Variants in CDH13 observed in about 807,000 individuals in gnomAD.
CDH13 encodes cadherin 13, also known as cadherin-13.
CDH13 carries 24 observed loss-of-function variants against 63.8 expected under a neutral mutation model. The ratio of observed to expected loss-of-function variants is 0.38; its 90% confidence interval spans 0.27 to 0.53. The LOEUF is 0.53. Ranked by LOEUF, CDH13 falls within the 20% of genes least tolerant of loss-of-function variation. The pLI, the probability that CDH13 is intolerant of heterozygous loss-of-function variation, is 0.85. For synonymous variants in CDH13, 503 were observed against 355.3 expected, an observed-to-expected ratio of 1.42 and a Z score of -4.67; for missense variants, 1,049 against 903.1, an observed-to-expected ratio of 1.16 and a Z score of -2.07.
intron 4 of CDH13, among the ~76,000 whole-genome samples, chr16:83,181,355 C>T (rs1044951526): frequency 1.3e-5 from 2 of 152,178 alleles, no homozygotes; most frequent in East Asian, 1.9e-4. Flanking sequence ...CAGAGGGGTC[C>T]ACTGGACCTC....
intron 1 of CDH13, among the ~76,000 whole-genome samples, chr16:82,709,500 C>T (rs577483450): frequency 6.6e-6 from 1 of 152,262 alleles, no homozygotes; most frequent in African/African-American, 2.4e-5. Flanking sequence ...AGGGATGTAA[C>T]TCTAGGCTGG....
chr16:82,716,439 A>C (rs576890709), intron 1 of CDH13, among the ~76,000 whole-genome samples: 23 of 151,954 alleles, frequency 1.5e-4, no homozygotes, highest in Non-Finnish European at 2.5e-4. Context: ...ACATCTGCTA[A>C]ATTTAGATAA....
chr16:82,692,967 T>C (rs934669718), intron 1 of CDH13, among the ~76,000 whole-genome samples: 1 of 152,162 alleles, frequency 6.6e-6, no homozygotes, highest in Admixed American at 6.5e-5. Context: ...GTGATCGTTT[T>C]ACAAAAGATT....
chr16:82,653,846 TC>T (rs1234777488), intron 1 of CDH13, among the ~76,000 whole-genome samples: 1 of 151,862 alleles, frequency 6.6e-6, no homozygotes, highest in African/African-American at 2.4e-5. Flanking sequence ...TTGCAGTAGT[TC>T]CGGAGAAGAA....
At chr16:83,350,241 A>T (rs1415054617) in intron 6 of CDH13, among the ~76,000 whole-genome samples, 4 of 152,130 alleles carry the variant, frequency 2.6e-5, no homozygotes, top group Admixed American at 1.3e-4. Flanking sequence ...TAGCCACCCC[A>T]AATGGCAGCC....
intron 6 of CDH13, among the ~76,000 whole-genome samples, chr16:83,389,647 T>G (rs78619264): frequency 0.11 from 16,539 of 152,312 alleles, 1,172 homozygotes; most frequent in Non-Finnish European, 0.16. Context: ...TTCCTTATGG[T>G]GTCACATAGC....
chr16:82,642,165 C>T (rs1398480079), intron 1 of CDH13, among the ~76,000 whole-genome samples: 5 of 150,886 alleles, frequency 3.3e-5, no homozygotes, highest in Non-Finnish European at 7.4e-5. Context: ...CAGCCTAACA[C>T]CTAACTCATT....
At chr16:83,390,879 G>T (rs1311201018) in intron 6 of CDH13, among the ~76,000 whole-genome samples, 1 of 152,228 alleles carries the variant, frequency 6.6e-6, no homozygotes, top group African/African-American at 2.4e-5. Context: ...ACACTGAGCA[G>T]AGGCCAGTCA....
chr16:82,997,128 GTGATGGTGGTGA>G (rs1298261149), intron 2 of CDH13, among the ~76,000 whole-genome samples: 3 of 142,464 alleles, frequency 2.1e-5, no homozygotes, highest in Non-Finnish European at 4.6e-5. Flanking sequence ...GCTGATGGTG[GTGATGGTGGTGA>G]TGATGGTGAT....
intron 7 of CDH13, among the ~76,000 whole-genome samples, chr16:83,534,756 C>G (rs1334492559): frequency 3.3e-5 from 5 of 152,210 alleles, no homozygotes; most frequent in East Asian, 1.9e-4. Context: ...TACTTCCTCA[C>G]TATTATGAGC....
intron 8 of CDH13, among the ~76,000 whole-genome samples, chr16:83,635,683 T>A (rs1911197773): frequency 6.6e-6 from 1 of 152,022 alleles, no homozygotes; most frequent in Non-Finnish European, 1.5e-5. Context: ...GTGTTGAGAG[T>A]CTTTTATGTA....
intron 10 of CDH13, among the ~76,000 whole-genome samples, chr16:83,693,954 T>G (rs1409424666): frequency 6.6e-6 from 1 of 151,858 alleles, no homozygotes. Flanking sequence ...GAGGAGACTG[T>G]TCCTGTGAGC....
Position 83,401,002 on chromosome 16 carries a change from G to A in CDH13, c.781+55996G>A, listed in dbSNP as rs576335774. The stretch of plus-strand genomic sequence containing the variant: ...AGGGATCACTTGAGGCCAGGAGTTC[G>A]AGCCAGCCTGGCCAACGTGGTGAAA... On this transcript the variant is annotated intron_variant, in intron 6 of 13. Transcript: ENST00000567109. Among the ~76,000 whole-genome samples the A allele has an allele frequency of 1.2e-4, 18 of 152,196 alleles. No homozygotes were observed. The East Asian group carries it at 2.3e-3, about 20-fold the overall frequency.
At chr16:83,736,938 C>T (rs1296370115) in intron 10 of CDH13, among the ~76,000 whole-genome samples, 1 of 152,228 alleles carries the variant, frequency 6.6e-6, no homozygotes, top group East Asian at 1.9e-4. Flanking sequence ...AAGATGTGTG[C>T]AGTCCCTGGC....
chr16:83,319,159 G>T (rs569662929), intron 5 of CDH13, among the ~76,000 whole-genome samples: 1 of 152,084 alleles, frequency 6.6e-6, no homozygotes, highest in African/African-American at 2.4e-5. Context: ...GCTGCTTGTT[G>T]TCTCTTATAG....
chr16:83,516,973 A>C (rs767668130), intron 7 of CDH13, among the ~76,000 whole-genome samples: 1 of 152,206 alleles, frequency 6.6e-6, no homozygotes, highest in Non-Finnish European at 1.5e-5. Context: ...GTCACCAGAG[A>C]AATCAGTGAG....
intron 5 of CDH13, among the ~76,000 whole-genome samples, chr16:83,296,374 A>G (rs7201419): frequency 6.6e-6 from 1 of 151,828 alleles, no homozygotes; most frequent in Admixed American, 6.6e-5. Flanking sequence ...TAGTGCCTGG[A>G]CAATTAAGTA....
intron 1 of CDH13, among the ~76,000 whole-genome samples, chr16:82,673,880 G>A (rs1913584709): frequency 6.6e-6 from 1 of 152,180 alleles, no homozygotes; most frequent in African/African-American, 2.4e-5. Flanking sequence ...CAAAAACTGA[G>A]AAAACTAAAA....
At chr16:82,720,438 C>T (rs895958120) in intron 1 of CDH13, among the ~76,000 whole-genome samples, 3 of 152,100 alleles carry the variant, frequency 2.0e-5, no homozygotes, top group African/African-American at 2.4e-5. Context: ...TCTTGGGTGG[C>T]CAAAGCCTCT....
Sources: gnomAD v4.1 joint callset for allele counts (sites outside exome capture counted in the v4.1 genomes callset) on GRCh38, gnomAD v4.1.1 for gene constraint, MANE v1.5 for transcripts, NCBI Gene and HGNC (gene_info 2026-07-23, HGNC 2026-07-21) for gene names.